Variants in SNX29 observed in about 807,000 individuals in gnomAD.
SNX29 encodes sorting nexin-29.
A neutral mutation model predicts 102.1 loss-of-function variants in SNX29; 78 were observed. The ratio of observed to expected loss-of-function variants is 0.76; its 90% CI spans 0.64 to 0.92. The LOEUF is 0.92. SNX29 is among the 40% of genes least tolerant of loss of function. The pLI, the probability that SNX29 is intolerant of heterozygous loss-of-function variation, is 0.00. For synonymous variants in SNX29, 580 were observed against 414.5 expected, an observed-to-expected ratio of 1.40 and a Z score of -4.85; for missense variants, 1,280 against 1,061.7, an observed-to-expected ratio of 1.21 and a Z score of -2.86.
chr16:12,564,054 T>C (rs2078882406), intron 20 of SNX29, among the ~76,000 whole-genome samples: 1 of 152,226 alleles, frequency 6.6e-6, no homozygotes, highest in South Asian at 2.1e-4. Flanking sequence ...GGTTGTGGTT[T>C]GGCAACGATG....
At chr16:12,156,583 G>C (rs1432579913) in intron 13 of SNX29, among the ~76,000 whole-genome samples, 1 of 152,220 alleles carries the variant, frequency 6.6e-6, no homozygotes, top group East Asian at 1.9e-4. Flanking sequence ...GCAGGAGCTC[G>C]CTGGGGCTCT....
chr16:12,475,493 C>G (rs763839631), intron 18 of SNX29, among the ~76,000 whole-genome samples: 23 of 152,166 alleles, frequency 1.5e-4, no homozygotes, highest in Non-Finnish European at 3.1e-4. Flanking sequence ...AGCTCCTTGA[C>G]TTATGATGGG....
At chr16:12,466,319 A>T (rs1221663698) in intron 18 of SNX29, among the ~76,000 whole-genome samples, 2 of 152,246 alleles carry the variant, frequency 1.3e-5, no homozygotes, top group Non-Finnish European at 2.9e-5. Context: ...GTTGTCAGAT[A>T]CAAAGTCAGC....
chr16:12,193,175 C>T (rs1042116838), intron 13 of SNX29, among the ~76,000 whole-genome samples: 1 of 152,188 alleles, frequency 6.6e-6, no homozygotes, highest in Admixed American at 6.5e-5. Flanking sequence ...CAAGTTGTTG[C>T]ATGTATCAAT....
intron 15 of SNX29, among the ~76,000 whole-genome samples, chr16:12,312,632 C>A (rs1227228694): frequency 1.3e-5 from 2 of 151,946 alleles, no homozygotes; most frequent in Non-Finnish European, 2.9e-5. Context: ...TTCATCTCCC[C>A]CTCCTCAAGA....
At chr16:12,082,623 C>T (rs1296548598) in intron 11 of SNX29, among the ~76,000 whole-genome samples, 2 of 152,240 alleles carry the variant, frequency 1.3e-5, no homozygotes, top group East Asian at 3.9e-4. Context: ...GGGACATATC[C>T]AGAGCTTATA....
chr16:12,099,710 G>A lies in SNX29; in HGVS notation c.1402+20795G>A, dbSNP rs182596527. Among the ~76,000 whole-genome samples the A allele has an allele frequency of 2.6e-5, 4 of 152,326 alleles. No individual in the cohort carries two copies. The East Asian group carries it at 5.8e-4, about 22-fold the overall frequency. Reference sequence around the variant, plus strand: ...CTGGGAGGACTTGCACCAGCCTGCTGTGCCCTTTTGATTCGTGGAGTGTGG... The same window carrying A: ...CTGGGAGGACTTGCACCAGCCTGCTATGCCCTTTTGATTCGTGGAGTGTGG... On this transcript the variant is annotated intron_variant, in intron 11 of 20. Transcript: ENST00000566228.
At chr16:12,272,495 A>G (rs1427575065) in intron 14 of SNX29, among the ~76,000 whole-genome samples, 3 of 152,180 alleles carry the variant, frequency 2.0e-5, no homozygotes, top group Non-Finnish European at 4.4e-5. Flanking sequence ...CTGCCAAGGT[A>G]TCTGTGTCCT....
chr16:12,278,364 A>T (rs1257680451), intron 15 of SNX29, among the ~76,000 whole-genome samples: 2 of 152,240 alleles, frequency 1.3e-5, no homozygotes, highest in African/African-American at 4.8e-5. Context: ...GTGCTGTTAA[A>T]TGTGAAAATA....
At chr16:12,116,224 G>A (rs890398220) in intron 11 of SNX29, among the ~76,000 whole-genome samples, 2 of 152,206 alleles carry the variant, frequency 1.3e-5, no homozygotes, top group South Asian at 2.1e-4. Context: ...AGAACTGAAA[G>A]TAGAGACTCA....
At chr16:12,408,226 C>G (rs2084255004) in intron 18 of SNX29, among the ~76,000 whole-genome samples, 1 of 151,878 alleles carries the variant, frequency 6.6e-6, no homozygotes. Context: ...TTCCAAAAGG[C>G]AAGGCCCAGC....
At chr16:12,512,265 C>A (rs1032443249) in intron 19 of SNX29, among the ~76,000 whole-genome samples, 2 of 149,800 alleles carry the variant, frequency 1.3e-5, no homozygotes, top group African/African-American at 4.9e-5. Context: ...GAGGGTGCGG[C>A]TGGAGAGGCA....
intron 18 of SNX29, among the ~76,000 whole-genome samples, chr16:12,416,104 C>T (rs562826864): frequency 5.3e-5 from 8 of 152,296 alleles, no homozygotes; most frequent in African/African-American, 1.9e-4. Flanking sequence ...AGCCCCTTTG[C>T]ATCAGCCTGT....
rs558141752 is a variant in SNX29 at position 12,370,695 on chromosome 16, A to G, written c.1899+14416A>G. Among the ~76,000 whole-genome samples, 16 of 152,262 alleles carry G rather than the reference A, an allele frequency of 1.1e-4. No homozygotes were observed. The South Asian group carries it at 3.3e-3, about 32-fold the overall frequency. On this transcript the variant is annotated intron_variant, in intron 16 of 20. Transcript: ENST00000566228. The stretch of plus-strand genomic sequence containing the variant: ...CTGGGAGGCTTCCCCATCTCCCTGA[A>G]ATGAGTTTATATAATCTCCTAGTAA...
chr16:12,286,414 C>G (rs1178748189), intron 15 of SNX29, among the ~76,000 whole-genome samples: 1 of 145,028 alleles, frequency 6.9e-6, no homozygotes, highest in Admixed American at 7.0e-5. Context: ...GGTGTGATCT[C>G]GGTTCACTGC....
intron 20 of SNX29, among the ~76,000 whole-genome samples, chr16:12,555,322 T>C (rs575856164): frequency 4.6e-5 from 7 of 151,600 alleles, no homozygotes; most frequent in African/African-American, 1.5e-4. Context: ...ATAGCCCCAG[T>C]GTTTCTTGGC....
At chr16:12,224,975 C>G (rs539272782) in intron 14 of SNX29, among the ~76,000 whole-genome samples, 14 of 152,344 alleles carry the variant, frequency 9.2e-5, no homozygotes, top group African/African-American at 2.6e-4. Flanking sequence ...ATGCTCTGCT[C>G]TGTTCCAGCA....
chr16:12,116,151 C>A (rs1417910131), intron 11 of SNX29, among the ~76,000 whole-genome samples: 1 of 152,160 alleles, frequency 6.6e-6, no homozygotes, highest in Admixed American at 6.5e-5. Flanking sequence ...TTTGGTGGAT[C>A]CTTAAAACGT....
intron 13 of SNX29, among the ~76,000 whole-genome samples, chr16:12,194,624 T>G (rs1295952046): frequency 2.5e-4 from 5 of 19,640 alleles, no homozygotes; most frequent in African/African-American, 3.9e-4. Context: ...GGTGGGTAGT[T>G]TTTTTTTTTT....
Sources: gnomAD v4.1 joint callset for allele counts (sites outside exome capture counted in the v4.1 genomes callset) on GRCh38, gnomAD v4.1.1 for gene constraint, MANE v1.5 for transcripts, NCBI Gene and HGNC (gene_info 2026-07-23, HGNC 2026-07-21) for gene names.